Variants in CTNND2 observed in about 807,000 individuals in gnomAD.
CTNND2 encodes the protein catenin delta 2, also known as catenin delta-2.
In CTNND2, 22 loss-of-function variants were observed where a neutral mutation model predicts 144.4. That is an observed-to-expected ratio of 0.15 (90% CI 0.11 to 0.22). The LOEUF (loss-of-function observed/expected upper bound fraction) is 0.22, where lower values mean the gene tolerates loss of function less well. Ranked by LOEUF, CTNND2 falls within the 10% of genes least tolerant of loss-of-function variation. The pLI, the probability that CTNND2 is intolerant of heterozygous loss-of-function variation, is 1.00. For missense variants in CTNND2, 1,353 were observed against 1,618.8 expected (o/e 0.84, Z 2.82); for synonymous variants, 751 against 695.6 (o/e 1.08, Z -1.25).
chr5:11,458,895 T>C (rs1187083169), intron 3 of CTNND2, among the ~76,000 whole-genome samples: 1 of 151,860 alleles, frequency 6.6e-6, no homozygotes, highest in African/African-American at 2.4e-5. Flanking sequence ...CTGGAATAGC[T>C]GGGACTGTAG....
chr5:11,453,005 T>G (rs1765430582), intron 3 of CTNND2, among the ~76,000 whole-genome samples: 1 of 152,178 alleles, frequency 6.6e-6, no homozygotes, highest in South Asian at 2.1e-4. Context: ...GTACTGTATA[T>G]TTGCCTCTCA....
At chr5:11,841,579 T>C (rs752987100) in intron 1 of CTNND2, among the ~76,000 whole-genome samples, 4 of 152,120 alleles carry the variant, frequency 2.6e-5, no homozygotes, top group Admixed American at 6.5e-5. Flanking sequence ...ATAATAGACA[T>C]ACCACAATAA....
At chr5:11,725,266 G>T (rs1476811643) in intron 2 of CTNND2, among the ~76,000 whole-genome samples, 1 of 152,146 alleles carries the variant, frequency 6.6e-6, no homozygotes, top group African/African-American at 2.4e-5. Context: ...GTAAGAATGT[G>T]TCTAACCCAC....
chr5:11,283,673 C>CAAAAAAAAAAAAAAAAAA, intron 9 of CTNND2, among the ~76,000 whole-genome samples: 1 of 31,606 alleles, frequency 3.2e-5, no homozygotes, highest in Non-Finnish European at 5.8e-5. Context: ...GACTCCGTCT[C>CAAAAAAAAAAAAAAAAAA]AAAAAAAAAA....
chr5:11,277,500 ATATT>A (rs202245115), intron 9 of CTNND2, among the ~76,000 whole-genome samples: 12,882 of 136,656 alleles, frequency 0.094, 1,336 homozygotes, highest in African/African-American at 0.25. Flanking sequence ...CTTTTTAAAA[ATATT>A]TATTTATTTA....
intron 12 of CTNND2, among the ~76,000 whole-genome samples, chr5:11,147,430 A>G (rs1757343957): frequency 6.6e-6 from 1 of 152,244 alleles, no homozygotes; most frequent in African/African-American, 2.4e-5. Context: ...CTCAACGTAT[A>G]GAACAACGGA....
At chr5:11,031,911 C>T (rs1269628811) in intron 16 of CTNND2, among the ~76,000 whole-genome samples, 1 of 152,216 alleles carries the variant, frequency 6.6e-6, no homozygotes, top group African/African-American at 2.4e-5. Context: ...CACTGTTGTC[C>T]TTCCCTACTT....
At chr5:11,581,438 A>C (rs1039297201) in intron 2 of CTNND2, among the ~76,000 whole-genome samples, 2 of 152,084 alleles carry the variant, frequency 1.3e-5, no homozygotes, top group Non-Finnish European at 2.9e-5. Flanking sequence ...TTTGCCACAG[A>C]CTCTTTTTCA....
At chr5:11,884,916 A>G (rs149012869) in intron 1 of CTNND2, among the ~76,000 whole-genome samples, 40 of 145,914 alleles carry the variant, frequency 2.7e-4, no homozygotes, top group Non-Finnish European at 5.3e-4. Context: ...TATTGAGATA[A>G]TCATATAGTG....
chr5:11,849,140 T>C (rs999187358), intron 1 of CTNND2, among the ~76,000 whole-genome samples: 3 of 152,134 alleles, frequency 2.0e-5, no homozygotes, highest in Non-Finnish European at 4.4e-5. Context: ...CTCACAATCA[T>C]GGCAGATGAC....
chr5:11,257,112 A>G (rs969536562), intron 9 of CTNND2, among the ~76,000 whole-genome samples: 1 of 152,176 alleles, frequency 6.6e-6, no homozygotes, highest in Non-Finnish European at 1.5e-5. Flanking sequence ...TATTACATAG[A>G]CCTTTGTTGG....
chr5:11,257,965 T>A (rs535014741), intron 9 of CTNND2, among the ~76,000 whole-genome samples: 1 of 152,294 alleles, frequency 6.6e-6, no homozygotes, highest in Admixed American at 6.5e-5. Flanking sequence ...CCCTCTTCCA[T>A]CGGGGAATAG....
chr5:11,161,165 T>C (rs1411196980), intron 11 of CTNND2, among the ~76,000 whole-genome samples: 1 of 152,224 alleles, frequency 6.6e-6, no homozygotes, highest in East Asian at 1.9e-4. Flanking sequence ...GCCATGTCGG[T>C]TCATTTCTAA....
At chr5:11,200,832 CCACGCCCGGCTA>C (rs968113244) in intron 10 of CTNND2, among the ~76,000 whole-genome samples, 1 of 152,194 alleles carries the variant, frequency 6.6e-6, no homozygotes, top group Non-Finnish European at 1.5e-5. Flanking sequence ...GCGTCCGCCA[CCACGCCCGGCTA>C]TTTTTTTTGT....
chr5:11,702,725 G>A (rs2126674428), intron 2 of CTNND2, among the ~76,000 whole-genome samples: 1 of 152,228 alleles, frequency 6.6e-6, no homozygotes, highest in East Asian at 1.9e-4. Context: ...GGCTTCCCCT[G>A]GGTACTCTTC....
At chr5:11,477,105 T>C (rs778455662) in intron 3 of CTNND2, among the ~76,000 whole-genome samples, 5 of 152,232 alleles carry the variant, frequency 3.3e-5, no homozygotes, top group Non-Finnish European at 5.9e-5. Flanking sequence ...TTGTCTATTT[T>C]GTGGATTCAG....
rs560462862 is a variant in CTNND2, at chr5:11,655,919, C to T, written c.174+76217G>A. On this transcript the variant is annotated intron_variant, in intron 2 of 21. Coordinates refer to ENST00000304623, the MANE Select transcript of CTNND2 (RefSeq NM_001332.4). The stretch of plus-strand genomic sequence containing the variant: ...ACACACACTCATTTGGTTTCTAATA[C>T]GGGACGTACTGAGTCAGCGATCTTT... 3.5e-4 allele frequency among the ~76,000 whole-genome samples: 53 copies of T among 151,804 alleles called. No homozygotes were observed. The South Asian group carries it at 0.01, about 29-fold the overall frequency.
At chr5:11,838,497 A>G (rs1209032905) in intron 1 of CTNND2, among the ~76,000 whole-genome samples, 2 of 152,134 alleles carry the variant, frequency 1.3e-5, no homozygotes, top group East Asian at 3.9e-4. Flanking sequence ...TAGCTCTCCA[A>G]GTAAGGACAG....
chr5:11,331,553 AT>A (rs1345626255), intron 9 of CTNND2, among the ~76,000 whole-genome samples: 3 of 152,162 alleles, frequency 2.0e-5, no homozygotes, highest in African/African-American at 7.2e-5. Context: ...AAACATGATT[AT>A]TTTTTATTTA....
Sources: allele counts gnomAD v4.1 joint callset (sites outside exome capture counted in the v4.1 genomes callset), GRCh38; gene constraint gnomAD v4.1.1; transcripts MANE v1.5; gene names NCBI Gene and HGNC (gene_info 2026-07-23, HGNC 2026-07-21).